STYXL2: variants seen among roughly 807,000 people sequenced by gnomAD.
STYXL2 encodes the protein serine/threonine/tyrosine-interacting-like protein 2.
Under a neutral mutation model 52.4 loss-of-function variants are expected in STYXL2, and 44 were observed. The observed-to-expected ratio is 0.84, with a 90% CI of 0.66 to 1.08. The LOEUF (loss-of-function observed/expected upper bound fraction) is 1.08, where lower values mean the gene tolerates loss of function less well. STYXL2 is among the 50% of genes least tolerant of loss of function. STYXL2 has a pLI of 0.00. For synonymous variants in STYXL2, 604 were observed against 586.9 expected, an observed-to-expected ratio of 1.03 and a Z score of -0.42; for missense variants, 1,604 against 1,471.7, an observed-to-expected ratio of 1.09 and a Z score of -1.47.
chr1:167,127,032 G>A lies in STYXL2; in HGVS notation c.1901G>A (p.Arg634Gln), dbSNP rs549179166. Reference sequence around the variant, plus strand: ...AGGCTGGAGCTGCTGGAGAGAAGCCGGCAGACGCTGGAGGAGAGCCAGTCT... The same window carrying A: ...AGGCTGGAGCTGCTGGAGAGAAGCCAGCAGACGCTGGAGGAGAGCCAGTCT... ...QRRLELLERS[R>Q]QTLEESQSMA... The change falls in exon 6 of 6, where the codon CGG (arginine) becomes CAG (glutamine). Residue 634 changes from arginine (R) to glutamine (Q), a missense_variant. Arg to Gln is a conservative substitution (Grantham distance 43). Coordinates refer to ENST00000361200, the MANE Select transcript of STYXL2 (RefSeq NM_001080426.3). The A allele has an allele frequency of 1.9e-5, 31 of 1,607,164 alleles. No individual in the cohort carries two copies. The highest frequency in any genetic ancestry group is 1.7e-4 in the Middle Eastern group (1 of 6,038).
intron 2 of STYXL2, among the ~76,000 whole-genome samples, chr1:167,107,705 C>A (rs1437091528): frequency 6.6e-6 from 1 of 152,108 alleles, no homozygotes; most frequent in Non-Finnish European, 1.5e-5. Flanking sequence ...CTCCTAGGTG[C>A]TAGGAACACA....
chr1:167,116,841 T>A (rs1667734910), intron 3 of STYXL2, among the ~76,000 whole-genome samples: 2 of 152,038 alleles, frequency 1.3e-5, no homozygotes, highest in Admixed American at 6.5e-5. Flanking sequence ...GTAGGGACAG[T>A]GTTTCACCAT....
rs753039685 is a variant in STYXL2 at position 167,126,320 on chromosome 1, C to G, written c.1189C>G (p.Gln397Glu). Reference sequence around the variant, plus strand: ...CGTGGAGAGGATCATCCAGGAGTGGCAGAGCCGAAACGAGAGGTACCAAGC... The same window carrying G: ...CGTGGAGAGGATCATCCAGGAGTGGGAGAGCCGAAACGAGAGGTACCAAGC... ...EDVERIIQEW[Q>E]SRNERYQAEG... Residue 397 changes from glutamine to glutamate, a missense_variant, in exon 6 of 6, where the codon CAG (glutamine) becomes GAG (glutamate). Coordinates refer to ENST00000361200, the MANE Select transcript of STYXL2 (RefSeq NM_001080426.3). 12 of 1,520,516 alleles carry G rather than the reference C, an allele frequency of 7.9e-6. No homozygotes were observed. The highest frequency in any genetic ancestry group is 8.8e-6 in the Non-Finnish European group (10 of 1,131,538). The allele number at this position is 1,520,516 out of a possible 1,614,324, so 94.2% of individuals were successfully genotyped here.
intron 2 of STYXL2, among the ~76,000 whole-genome samples, chr1:167,095,493 T>G (rs1399561155): frequency 6.6e-6 from 1 of 152,210 alleles, no homozygotes; most frequent in Non-Finnish European, 1.5e-5. Context: ...CCAAGAGGCA[T>G]GAGGCATCTT....
chr1:167,099,945 C>A (rs35304574), intron 2 of STYXL2, among the ~76,000 whole-genome samples: 1 of 152,182 alleles, frequency 6.6e-6, no homozygotes, highest in Admixed American at 6.5e-5. Context: ...AACTGCCTGT[C>A]TTGGTCTCTT....
chr1:167,111,741 G>C (rs1283038692), intron 2 of STYXL2, among the ~76,000 whole-genome samples: 1 of 151,850 alleles, frequency 6.6e-6, no homozygotes, highest in African/African-American at 2.4e-5. Flanking sequence ...TTGGGGACTT[G>C]AGGGGAAGGA....
intron 2 of STYXL2, among the ~76,000 whole-genome samples, chr1:167,104,096 G>A (rs1667459095): frequency 6.6e-6 from 1 of 152,016 alleles, no homozygotes; most frequent in Non-Finnish European, 1.5e-5. Flanking sequence ...TCCAGCCTGG[G>A]GGACAGAGCC....
intron 2 of STYXL2, among the ~76,000 whole-genome samples, chr1:167,097,135 T>C (rs1301886920): frequency 6.6e-6 from 1 of 152,254 alleles, no homozygotes; most frequent in Non-Finnish European, 1.5e-5. Context: ...CTTTGACCTC[T>C]AGCTCTGCCC....
At chr1:167,105,116 C>T (rs1244880672) in intron 2 of STYXL2, among the ~76,000 whole-genome samples, 7 of 152,010 alleles carry the variant, frequency 4.6e-5, no homozygotes, top group Admixed American at 2.6e-4. Flanking sequence ...CTTTCTTCCT[C>T]TTTGCCTTCC....
In STYXL2 at chr1:167,100,946, A is replaced by G. The variant is rs1667391041; in HGVS notation, c.110+5987A>G. Among the ~76,000 whole-genome samples the G allele has an allele frequency of 2.0e-5, 3 of 152,214 alleles. No homozygotes were observed. The South Asian group carries it at 6.2e-4, about 31-fold the overall frequency. On this transcript the variant is annotated intron_variant, in intron 2 of 5. Coordinates refer to ENST00000361200, the MANE Select transcript of STYXL2 (RefSeq NM_001080426.3). ...CATTTGCACAGGCTTTGGAGCTATCATCCAATCGATCCCACTTTACTTCAC... is the reference window on the plus strand; with the variant it reads ...CATTTGCACAGGCTTTGGAGCTATCGTCCAATCGATCCCACTTTACTTCAC...
At chr1:167,110,268 A>G (rs183752730) in intron 2 of STYXL2, among the ~76,000 whole-genome samples, 140 of 152,348 alleles carry the variant, frequency 9.2e-4, no homozygotes, top group African/African-American at 3.1e-3. Context: ...GTCTAGCCAA[A>G]TGAGAAGGAA....
intron 2 of STYXL2, among the ~76,000 whole-genome samples, chr1:167,098,105 G>A (rs1303456303): frequency 1.4e-5 from 2 of 147,646 alleles, no homozygotes; most frequent in African/African-American, 5.1e-5. Flanking sequence ...TCTGCCTCCA[G>A]GGTTCAAGTG....
Position 167,127,518 on chromosome 1 carries a change from A to T in STYXL2, c.2387A>T (p.Gln796Leu), listed in dbSNP as rs752353847. ...CAGGCAAGACCCAGCTCTGACATGCAGTCTGTGCTGTCCTGCAACACCACA... is the reference window on the plus strand; with the variant it reads ...CAGGCAAGACCCAGCTCTGACATGCTGTCTGTGCTGTCCTGCAACACCACA... ...QSQARPSSDM[Q>L]SVLSCNTTLS... Residue 796 changes from glutamine (Q) to leucine (L), a missense_variant, in exon 6 of 6, where the codon CAG becomes CTG. Coordinates refer to ENST00000361200, the MANE Select transcript of STYXL2 (RefSeq NM_001080426.3). The T allele has an allele frequency of 1.9e-6, 3 of 1,614,106 alleles. No homozygotes were observed. Among genetic ancestry groups the T allele is most frequent in the Non-Finnish European group, 1.7e-6 (2 of 1,180,008 alleles).
At position 167,128,826 on chromosome 1, in the gene STYXL2, G is replaced by A. The variant is rs75932332; in HGVS notation, c.*218G>A. On this transcript the variant is annotated 3_prime_UTR_variant, in exon 6 of 6. Coordinates refer to ENST00000361200, the MANE Select transcript of STYXL2 (RefSeq NM_001080426.3). ...CAATACGAATACGAGGTCCGAATGC[G>A]GACCAACTGATACCATTTTCTGTTG... 6.9e-6 allele frequency: 4 copies of A among 581,142 alleles called. No individual in the cohort carries two copies. The highest frequency in any genetic ancestry group is 4.6e-4 in the Middle Eastern group (1 of 2,192). 36.0% of individuals were successfully genotyped at this position (581,142 alleles called of 1,614,324 possible). A position where few individuals can be genotyped will look rare whatever the true frequency, so the allele number is the denominator to read the frequency against.
At position 167,126,151 on chromosome 1, in the gene STYXL2, C is replaced by T. The variant is rs976062812; in HGVS notation, c.1020C>T (p.Thr340=). The T allele has an allele frequency of 1.3e-6, 2 of 1,512,400 alleles. No individual in the cohort carries two copies. Among genetic ancestry groups the T allele is most frequent in the Non-Finnish European group, 1.8e-6 (2 of 1,133,224 alleles). The allele number at this position is 1,512,400 out of a possible 1,614,324, so 93.7% of individuals were successfully genotyped here. The change falls in exon 6 of 6, where the codon ACC becomes ACT. Residue 340 remains threonine, a synonymous_variant. Transcript: ENST00000361200. ...CCACCCAGGCCTCCAAGCCCCTCAC[C>T]CTCATAGACGAGGAGGAGGAGGAGA... ...GKATQASKPL[T]LIDEEEEEKL... is the part of the protein sequence containing the mutation.
intron 2 of STYXL2, among the ~76,000 whole-genome samples, chr1:167,098,777 C>G (rs932730546): frequency 1.3e-5 from 2 of 152,136 alleles, no homozygotes; most frequent in East Asian, 1.9e-4. Flanking sequence ...GCCGGAATAC[C>G]TAAGATAGTC....
rs1284083415 is a variant in STYXL2 at position 167,128,599 on chromosome 1, G to A, written c.3468G>A (p.Arg1156=). Residue 1156 remains arginine (R), a synonymous_variant, in exon 6 of 6, where the codon AGG becomes AGA. Coordinates refer to ENST00000361200, the MANE Select transcript of STYXL2 (RefSeq NM_001080426.3). The stretch of plus-strand genomic sequence containing the variant: ...CCAGGACCAAGCTGCAGAAAAGGAG[G>A]GAGGACTGAGCTGGGGAAAATCTGA... ...EETRTKLQKR[R]ED is the part of the protein sequence containing the mutation. The A allele has an allele frequency of 6.2e-7, 1 of 1,611,200 alleles. No homozygotes were observed. The highest frequency in any genetic ancestry group is 1.1e-5 in the South Asian group (1 of 90,856).
At chr1:167,099,008 T>C (rs1216701791) in intron 2 of STYXL2, among the ~76,000 whole-genome samples, 1 of 152,116 alleles carries the variant, frequency 6.6e-6, no homozygotes, top group African/African-American at 2.4e-5. Context: ...AAGGTGATAT[T>C]GTAAAGTAAG....
Position 167,127,775 on chromosome 1 carries a change from G to C in STYXL2, c.2644G>C (p.Val882Leu), listed in dbSNP as rs1247627278. The change falls in exon 6 of 6, where the codon GTG (valine) becomes CTG (leucine). Residue 882 changes from valine to leucine, a missense_variant. Transcript: ENST00000361200. ...KKVKEDEDDG[V>L]GDGDEDTDSA... Reference sequence around the variant, plus strand: ...GGTCAAGGAAGATGAGGATGATGGTGTGGGTGATGGGGATGAGGACACTGA... The same window carrying C: ...GGTCAAGGAAGATGAGGATGATGGTCTGGGTGATGGGGATGAGGACACTGA... 1.2e-6 allele frequency: 2 copies of C among 1,613,902 alleles called. No homozygotes were observed. Among genetic ancestry groups the C allele is most frequent in the African/African-American group, 2.7e-5 (2 of 74,882 alleles).
Sources: gnomAD v4.1 joint callset for allele counts (sites outside exome capture counted in the v4.1 genomes callset) on GRCh38, gnomAD v4.1.1 for gene constraint, MANE v1.5 for transcripts, NCBI Gene and HGNC (gene_info 2026-07-23, HGNC 2026-07-21) for gene names.